CBLIF: variants seen among roughly 807,000 people sequenced by gnomAD.
CBLIF encodes gastric intrinsic factor (vitamin B synthesis).
Under a neutral mutation model 44.9 loss-of-function variants are expected in CBLIF, and 24 were observed. The ratio of observed to expected loss-of-function variants is 0.53; its 90% confidence interval spans 0.39 to 0.75. The LOEUF is 0.75. CBLIF is among the 30% of genes least tolerant of loss of function. The probability of loss-of-function intolerance (pLI) is 0.00; values close to 1 mark genes in which losing one functional copy is unlikely to be tolerated. For synonymous variants in CBLIF, 183 were observed against 190.9 expected (o/e 0.96, Z 0.34); for missense variants, 481 against 513.0 (o/e 0.94, Z 0.60).
In CBLIF at chr11:59,841,281, G is replaced by T. The variant is rs1314984648; in HGVS notation, c.555C>A (p.Asn185Lys). 1 of 1,613,812 alleles carries T rather than the reference G, an allele frequency of 6.2e-7. No individual in the cohort carries two copies. Among genetic ancestry groups the T allele is most frequent in the Non-Finnish European group, 8.5e-7 (1 of 1,179,662 alleles). ...CTTCCTCTGAACCTACAGGGATCTT[G>T]TTGTACATACAGGTCAGAGCCAAGG... ...MATLALTCMY[N>K]KIPVGSEEGY... is the part of the protein sequence containing the mutation. The change falls in exon 5 of 9, where the codon AAC becomes AAA. Residue 185 changes from asparagine (N) to lysine (K), a missense_variant. Physicochemically the swap from Asn to Lys is moderately conservative, Grantham distance 94 (BLOSUM62 0). Transcript: ENST00000257248.
At chr11:59,845,005 G>T (rs112985455) in intron 1 of CBLIF, among the ~76,000 whole-genome samples, 1 of 151,942 alleles carries the variant, frequency 6.6e-6, no homozygotes, top group Non-Finnish European at 1.5e-5. Context: ...ATGCCACTGC[G>T]CCCAGCTAAT....
intron 1 of CBLIF, chr11:59,845,148 C>G (rs535853968): frequency 4.1e-4 from 224 of 547,244 alleles, no homozygotes; most frequent in Non-Finnish European, 6.5e-4. Context: ...CAGGTGTGAG[C>G]CACTGCACCT....
intron 5 of CBLIF, among the ~76,000 whole-genome samples, 181 bp from the exon 6 acceptor site, chr11:59,837,532 C>A (rs1866471639): frequency 6.6e-6 from 1 of 152,238 alleles, no homozygotes; most frequent in Non-Finnish European, 1.5e-5. Context: ...GTCCCCACCA[C>A]TTAGCACAGT....
At chr11:59,833,617 C>A (rs1236471851) in intron 7 of CBLIF, among the ~76,000 whole-genome samples, 1 of 152,060 alleles carries the variant, frequency 6.6e-6, no homozygotes, top group Non-Finnish European at 1.5e-5. Context: ...AAGCAGCAGA[C>A]ACAATGTGCT....
intron 4 of CBLIF, 36 bp from the exon 5 acceptor site, chr11:59,841,360 A>T: frequency 1.4e-6 from 2 of 1,418,920 alleles, no homozygotes; most frequent in South Asian, 2.3e-5. Flanking sequence ...CACCATAGTC[A>T]CCATCACAGC....
chr11:59,835,417 G>A (rs1866440273), intron 7 of CBLIF, among the ~76,000 whole-genome samples: 1 of 151,590 alleles, frequency 6.6e-6, no homozygotes, highest in African/African-American at 2.4e-5. Context: ...TACAGGCGTG[G>A]GCCTCCCAAA....
chr11:59,830,233 CTTTT>C lies in CBLIF; in HGVS notation c.1193-692_1193-689del, dbSNP rs530371257. Among the ~76,000 whole-genome samples, 460 of 123,292 alleles carry C rather than the reference CTTTT, an allele frequency of 3.7e-3. 3 individuals are homozygous for C. Among genetic ancestry groups the C allele is most frequent in the African/African-American group, 0.013 (438 of 33,792 alleles). The allele number at this position is 123,292 out of a possible 152,430, so 80.9% of individuals were successfully genotyped here. A position where few individuals can be genotyped will look rare whatever the true frequency, so the allele number is the denominator to read the frequency against. On this transcript the variant is annotated intron_variant, in intron 8 of 8. Transcript: ENST00000257248. ...TTTAAGTTCCTGGGGCAATTACTTTCTTTTTTTTTTTTTTTTTTTTTGAAACGGA... is the reference window on the plus strand; with the variant it reads ...TTTAAGTTCCTGGGGCAATTACTTTCTTTTTTTTTTTTTTTTTGAAACGGA...
intron 8 of CBLIF, among the ~76,000 whole-genome samples, chr11:59,831,008 A>G (rs1363387020): frequency 6.6e-6 from 1 of 152,218 alleles, no homozygotes; most frequent in Non-Finnish European, 1.5e-5. Flanking sequence ...CCTTGGCTGT[A>G]CTGTGACTTT....
chr11:59,834,632 A>C (rs1866429861), intron 7 of CBLIF, among the ~76,000 whole-genome samples: 1 of 151,692 alleles, frequency 6.6e-6, no homozygotes, highest in South Asian at 2.1e-4. Context: ...CCCTCAACTG[A>C]TCCACCCGCC....
chr11:59,843,330 C>T (rs939110631), intron 2 of CBLIF, among the ~76,000 whole-genome samples, 189 bp from the exon 3 acceptor site: 1 of 152,026 alleles, frequency 6.6e-6, no homozygotes, highest in Admixed American at 6.6e-5. Flanking sequence ...AATCTAGTGG[C>T]CTCTGTGTAA....
At position 59,830,991 on chromosome 11, in the gene CBLIF, C is replaced by T. The variant is rs112182137; in HGVS notation, c.1192+687G>A. 9.2e-3 allele frequency among the ~76,000 whole-genome samples: 1,398 copies of T among 152,314 alleles called. 11 individuals carry two copies. The highest frequency in any genetic ancestry group is 0.014 in the Non-Finnish European group (927 of 68,018). On this transcript the variant is annotated intron_variant, in intron 8 of 8. Coordinates refer to ENST00000257248, the MANE Select transcript of CBLIF (RefSeq NM_005142.3). The stretch of plus-strand genomic sequence containing the variant: ...TTGGATAATGAAGCATCTTTACCAA[C>T]CTATAGCCTTGGCTGTACTGTGACT...
chr11:59,838,019 G>A (rs963343926), intron 5 of CBLIF, among the ~76,000 whole-genome samples: 6 of 152,152 alleles, frequency 3.9e-5, no homozygotes, highest in Non-Finnish European at 7.3e-5. Context: ...AAGCCCTGCA[G>A]CAGGAAAGAA....
At chr11:59,837,115 A>T in intron 6 of CBLIF, 59 bp downstream of exon 6, 1 of 1,288,152 alleles carries the variant, frequency 7.8e-7, no homozygotes, top group South Asian at 1.2e-5. Context: ...ACATTGATCC[A>T]CATGTCATTT....
intron 7 of CBLIF, among the ~76,000 whole-genome samples, chr11:59,834,307 TCTTTCTTC>T (rs1416820266): frequency 5.7e-4 from 27 of 47,018 alleles, no homozygotes; most frequent in East Asian, 1.2e-3. Flanking sequence ...TTTCTTTCTT[TCTTTCTTC>T]CTTCCTTCCT....
At chr11:59,843,616 T>A (rs1866567854) in intron 2 of CBLIF, among the ~76,000 whole-genome samples, 1 of 152,182 alleles carries the variant, frequency 6.6e-6, no homozygotes, top group Non-Finnish European at 1.5e-5. Flanking sequence ...CCCAGAGTTA[T>A]GACGTGGCAG....
At chr11:59,831,248 CCT>C (rs1228589038) in intron 8 of CBLIF, among the ~76,000 whole-genome samples, 1 of 152,158 alleles carries the variant, frequency 6.6e-6, no homozygotes, top group Non-Finnish European at 1.5e-5. Flanking sequence ...TGCAGGCATT[CCT>C]CTCTCTGGAG....
Position 59,829,561 on chromosome 11 carries a change from G to A in CBLIF, c.1193-16C>T, listed in dbSNP as rs760410293. 14 of 1,565,110 alleles carry A rather than the reference G, an allele frequency of 8.9e-6. No homozygotes were observed. The highest frequency in any genetic ancestry group is 1.7e-5 in the Admixed American group (1 of 59,946). On this transcript the variant is annotated splice_polypyrimidine_tract_variant and intron_variant, in intron 8 of 8. Coordinates refer to ENST00000257248, the MANE Select transcript of CBLIF (RefSeq NM_005142.3). ...TCAGCAACCCCTGGAAATAAGCAGA[G>A]AATAACATGAGGTGACTGTGGTGCA...
intron 6 of CBLIF, 95 bp downstream of exon 6, chr11:59,837,079 G>T (rs1472199354): frequency 4.2e-6 from 4 of 952,206 alleles, no homozygotes; most frequent in Non-Finnish European, 6.9e-6. Flanking sequence ...GGGAATAATG[G>T]ACATTACAAG....
intron 6 of CBLIF, among the ~76,000 whole-genome samples, chr11:59,836,709 G>A (rs943359471): frequency 3.7e-4 from 56 of 152,030 alleles, no homozygotes; most frequent in African/African-American, 1.4e-3. Context: ...TTTCTTTTTG[G>A]CATTTGCACT....
Sources: allele counts gnomAD v4.1 joint callset (sites outside exome capture counted in the v4.1 genomes callset), GRCh38; gene constraint gnomAD v4.1.1; transcripts MANE v1.5; gene names NCBI Gene and HGNC (gene_info 2026-07-23, HGNC 2026-07-21).